TENM4: variants seen among roughly 807,000 people sequenced by gnomAD.
TENM4 encodes teneurin transmembrane protein 4, also known as teneurin-4.
A neutral mutation model predicts 243.3 loss-of-function variants in TENM4; 82 were observed. That is an observed-to-expected ratio of 0.34 (90% CI 0.28 to 0.40). The LOEUF (loss-of-function observed/expected upper bound fraction) is 0.40, where lower values mean the gene tolerates loss of function less well. Ranked by LOEUF, TENM4 falls within the 10% of genes least tolerant of loss-of-function variation. TENM4 has a pLI of 1.00. For synonymous variants in TENM4, 1,412 were observed against 1,456.3 expected, an observed-to-expected ratio of 0.97 and a Z score of 0.69; for missense variants, 3,138 against 3,673.3, an observed-to-expected ratio of 0.85 and a Z score of 3.77.
At chr11:79,044,451 A>T (rs1207401215) in intron 6 of TENM4, among the ~76,000 whole-genome samples, 1 of 152,184 alleles carries the variant, frequency 6.6e-6, no homozygotes, top group Non-Finnish European at 1.5e-5. Flanking sequence ...GGTAGGGAAG[A>T]TGGTAGAGCC....
At chr11:78,832,486 G>A (rs1858006976) in intron 12 of TENM4, among the ~76,000 whole-genome samples, 2 of 152,218 alleles carry the variant, frequency 1.3e-5, no homozygotes, top group Non-Finnish European at 2.9e-5. Context: ...AAATGGATTT[G>A]CTTTTGCTTT....
chr11:79,212,665 G>T (rs546814401), intron 3 of TENM4, among the ~76,000 whole-genome samples: 2 of 152,216 alleles, frequency 1.3e-5, no homozygotes, highest in South Asian at 4.2e-4. Context: ...AGGTGAGGCC[G>T]TGTGAAGCTA....
chr11:79,245,042 T>C (rs191726143), intron 2 of TENM4, among the ~76,000 whole-genome samples: 3 of 152,336 alleles, frequency 2.0e-5, no homozygotes, highest in Admixed American at 1.3e-4. Context: ...CACAGCCCTT[T>C]ATCTTTGTCA....
At chr11:78,668,186 CTTATTCTT>C (rs1322487885) in intron 32 of TENM4, among the ~76,000 whole-genome samples, 1 of 152,054 alleles carries the variant, frequency 6.6e-6, no homozygotes, top group Non-Finnish European at 1.5e-5. Flanking sequence ...GCATGTGTTC[CTTATTCTT>C]TTTTTTCCCT....
chr11:79,291,408 A>G (rs965642146), intron 2 of TENM4, among the ~76,000 whole-genome samples: 3 of 152,202 alleles, frequency 2.0e-5, no homozygotes, highest in Admixed American at 6.5e-5. Context: ...CACACTGCCA[A>G]TGAGAATGGA....
rs759266100 is a variant in TENM4 at position 78,729,536 on chromosome 11, C to T, written c.3246G>A (p.Pro1082=). 44 of 1,613,770 alleles carry T rather than the reference C, an allele frequency of 2.7e-5. No homozygotes were observed. In the East Asian group the frequency reaches 5.3e-4, roughly 20 times the overall value. The change falls in exon 22 of 34, where the codon CCG becomes CCA. Residue 1082 remains proline, a synonymous_variant. Transcript: ENST00000278550. ...KSVLRISLTH[P]TIPFNLMKVH... The stretch of plus-strand genomic sequence containing the variant: ...CCTTCATGAGGTTGAAGGGGATGGT[C>T]GGGTGGGTGAGGCTGATCCTCAGGA...
chr11:79,361,931 T>C (rs1857596393), intron 1 of TENM4, among the ~76,000 whole-genome samples: 1 of 152,164 alleles, frequency 6.6e-6, no homozygotes, highest in South Asian at 2.1e-4. Context: ...GCAAGTAACA[T>C]ATGTTTACTT....
chr11:78,947,561 C>T (rs1857025692), intron 6 of TENM4, among the ~76,000 whole-genome samples: 2 of 152,224 alleles, frequency 1.3e-5, no homozygotes, highest in South Asian at 2.1e-4. Context: ...TTTCATGTTT[C>T]AGCTCATGCT....
intron 29 of TENM4, among the ~76,000 whole-genome samples, chr11:78,677,654 C>CA (rs55797205): frequency 0.57 from 84,568 of 149,420 alleles, 26,218 homozygotes; most frequent in Non-Finnish European, 0.73. Context: ...GACAGAATGA[C>CA]AAAAAAAAAT....
At chr11:79,310,434 G>T (rs1006226388) in intron 1 of TENM4, among the ~76,000 whole-genome samples, 5 of 152,162 alleles carry the variant, frequency 3.3e-5, no homozygotes, top group African/African-American at 1.2e-4. Context: ...TTGTTTTGGG[G>T]GTCCAATAGG....
At chr11:78,836,652 A>C (rs1389303245) in intron 12 of TENM4, among the ~76,000 whole-genome samples, 1 of 152,120 alleles carries the variant, frequency 6.6e-6, no homozygotes, top group African/African-American at 2.4e-5. Context: ...AAATCTCAGG[A>C]TTCTTTAAAA....
intron 18 of TENM4, among the ~76,000 whole-genome samples, chr11:78,768,453 A>C (rs1345290201): frequency 6.6e-6 from 1 of 152,180 alleles, no homozygotes; most frequent in Non-Finnish European, 1.5e-5. Context: ...ATGCTCCTTT[A>C]TCCTGGCAAT....
intron 3 of TENM4, among the ~76,000 whole-genome samples, chr11:79,194,532 G>C (rs1863581152): frequency 6.6e-6 from 1 of 152,108 alleles, no homozygotes; most frequent in South Asian, 2.1e-4. Flanking sequence ...GGAAATATTG[G>C]GAACTGGAGC....
chr11:79,105,052 A>G lies in TENM4; in HGVS notation c.-65-35043T>C, dbSNP rs371379712. On this transcript the variant is annotated intron_variant, in intron 4 of 33. Coordinates refer to ENST00000278550, the MANE Select transcript of TENM4 (RefSeq NM_001098816.3). The stretch of plus-strand genomic sequence containing the variant: ...TTCATGCATGTGCCAGAAAGATGCA[A>G]TTTACAATTAAGTTCTATAATCACA... Among the ~76,000 whole-genome samples the G allele has an allele frequency of 2.1e-3, 317 of 152,330 alleles. 15 individuals carry two copies. In the South Asian group the frequency reaches 0.063, roughly 30 times the overall value.
At chr11:78,675,684 CT>C (rs1858450077) in intron 30 of TENM4, among the ~76,000 whole-genome samples, 1 of 152,124 alleles carries the variant, frequency 6.6e-6, no homozygotes, top group African/African-American at 2.4e-5. Context: ...AGTAGCTGAG[CT>C]GAATTTTGGG....
intron 27 of TENM4, 94 bp from the exon 28 acceptor site, chr11:78,702,497 G>T: frequency 6.9e-7 from 1 of 1,447,538 alleles, no homozygotes; most frequent in Non-Finnish European, 9.3e-7. Context: ...TGTCCAAAGT[G>T]GCTTCATATA....
intron 6 of TENM4, among the ~76,000 whole-genome samples, chr11:79,059,749 A>G (rs1591249658): frequency 6.6e-6 from 1 of 152,128 alleles, no homozygotes; most frequent in Non-Finnish European, 1.5e-5. Context: ...TAACTCCCCA[A>G]CAGCCTCTTC....
chr11:79,110,094 C>T (rs1861470181), intron 4 of TENM4, among the ~76,000 whole-genome samples: 1 of 152,204 alleles, frequency 6.6e-6, no homozygotes, highest in African/African-American at 2.4e-5. Context: ...AAAGTCTTCC[C>T]TCACCCTTTT....
At chr11:78,725,446 C>G (rs935249689) in intron 23 of TENM4, among the ~76,000 whole-genome samples, 1 of 152,130 alleles carries the variant, frequency 6.6e-6, no homozygotes, top group Non-Finnish European at 1.5e-5. Flanking sequence ...CACTCGCATG[C>G]GTTAGTCCCT....
Sources: allele counts gnomAD v4.1 joint callset (sites outside exome capture counted in the v4.1 genomes callset), GRCh38; gene constraint gnomAD v4.1.1; transcripts MANE v1.5; gene names NCBI Gene and HGNC (gene_info 2026-07-23, HGNC 2026-07-21).